Variants in PXDN observed in about 807,000 individuals in gnomAD.
The protein encoded by PXDN is peroxidasin, also known as peroxidasin homolog.
PXDN carries 77 observed loss-of-function variants against 140.3 expected under a neutral mutation model. That is an observed-to-expected ratio of 0.55 (90% CI 0.46 to 0.66). PXDN has a LOEUF of 0.66. Among genes scored for constraint, PXDN ranks in the 30% least tolerant of loss-of-function variants. The probability of loss-of-function intolerance (pLI) is 0.00; values close to 1 mark genes in which losing one functional copy is unlikely to be tolerated. For synonymous variants in PXDN, 911 were observed against 857.4 expected, an observed-to-expected ratio of 1.06 and a Z score of -1.09; for missense variants, 1,838 against 2,039.5, an observed-to-expected ratio of 0.90 and a Z score of 1.90.
At chr2:1,720,113 G>A (rs1176858857) in intron 1 of PXDN, among the ~76,000 whole-genome samples, 4 of 50,442 alleles carry the variant, frequency 7.9e-5, no homozygotes, top group Non-Finnish European at 1.5e-4. Context: ...GAGGGAGGGA[G>A]GGATGCAGAG....
chr2:1,714,961 G>A lies in PXDN; in HGVS notation c.201-21827C>T, dbSNP rs554603346. ...CTTTTGGGAGCATCAGGTTTTAGGCGACATATGAACACGCCACCCATTAAT... is the reference window on the plus strand; with the variant it reads ...CTTTTGGGAGCATCAGGTTTTAGGCAACATATGAACACGCCACCCATTAAT... On this transcript the variant is annotated intron_variant, in intron 1 of 22. Coordinates refer to ENST00000252804, the MANE Select transcript of PXDN (RefSeq NM_012293.3). The surrounding 1 kb of genome is among the most constrained non-coding windows in gnomAD (Gnocchi z 4.3). Among the ~76,000 whole-genome samples the A allele has an allele frequency of 2.0e-5, 3 of 152,030 alleles. No individual in the cohort carries two copies. The highest frequency in any genetic ancestry group is 7.2e-5 in the African/African-American group (3 of 41,480).
intron 17 of PXDN, among the ~76,000 whole-genome samples, chr2:1,647,302 C>T (rs112933766): frequency 4.5e-4 from 68 of 152,256 alleles, no homozygotes; most frequent in African/African-American, 1.4e-3. Flanking sequence ...AAAGGAGAGC[C>T]GCTGAATGTC....
chr2:1,720,294 A>G, intron 1 of PXDN, among the ~76,000 whole-genome samples: 1 of 124,794 alleles, frequency 8.0e-6, no homozygotes, highest in African/African-American at 3.1e-5. Flanking sequence ...AGAGAGAGAG[A>G]GGGAGGGAGG....
At chr2:1,683,596 T>C in intron 6 of PXDN, 60 bp downstream of exon 6, 4 of 1,287,044 alleles carry the variant, frequency 3.1e-6, no homozygotes, top group African/African-American at 1.5e-5. Context: ...ACCAGGTGAA[T>C]AGATAACAGA....
intron 8 of PXDN, among the ~76,000 whole-genome samples, chr2:1,674,485 T>C (rs1683649999): frequency 6.6e-6 from 1 of 152,196 alleles, no homozygotes; most frequent in Non-Finnish European, 1.5e-5. Flanking sequence ...GACCCCACCT[T>C]TGCATGGCTT....
intron 6 of PXDN, among the ~76,000 whole-genome samples, chr2:1,681,699 A>G (rs1015755273): frequency 2.0e-5 from 3 of 152,034 alleles, no homozygotes; most frequent in Non-Finnish European, 2.9e-5. Context: ...TCAGGTGAGG[A>G]GGCTGTGAGG....
At chr2:1,652,468 AATAACAAAATGG>A (rs1169173056) in intron 16 of PXDN, among the ~76,000 whole-genome samples, 1 of 136,684 alleles carries the variant, frequency 7.3e-6, no homozygotes, top group African/African-American at 2.5e-5. Flanking sequence ...TACTTGTTGA[AATAACAAAATGG>A]GCTCTGATGC....
chr2:1,652,717 C>T (rs1195546537), intron 16 of PXDN, among the ~76,000 whole-genome samples: 1 of 152,052 alleles, frequency 6.6e-6, no homozygotes, highest in Admixed American at 6.6e-5. Context: ...CCTAACAGGA[C>T]GGGGCTGGCT....
rs533281907 is a variant in PXDN at position 1,719,596 on chromosome 2, C to T, written c.200+24660G>A. ...CACAGTCCTCCAGTTTCAGCCCCCA[C>T]GGCCAGCTGTTAATCCCTGAACATT... On this transcript the variant is annotated intron_variant, in intron 1 of 22. Transcript: ENST00000252804. Among the ~76,000 whole-genome samples the T allele has an allele frequency of 2.4e-4, 36 of 152,334 alleles. No homozygotes were observed. In the East Asian group the frequency reaches 4.7e-3, roughly 20 times the overall value.
intron 8 of PXDN, among the ~76,000 whole-genome samples, chr2:1,675,943 C>T (rs558641971): frequency 6.6e-6 from 1 of 152,240 alleles, no homozygotes; most frequent in African/African-American, 2.4e-5. Flanking sequence ...GGAGCTCCTT[C>T]AGAAGCTGTC....
chr2:1,723,675 A>AATGG (rs543877016), intron 1 of PXDN, among the ~76,000 whole-genome samples: 93 of 151,938 alleles, frequency 6.1e-4, no homozygotes, highest in African/African-American at 1.5e-3. Flanking sequence ...TGAATGGATT[A>AATGG]ATGGATGGAT....
rs200009119 is a variant in PXDN, at chr2:1,653,740, C to G, written c.1992G>C (p.Pro664=). The G allele has an allele frequency of 2.8e-5, 45 of 1,594,354 alleles. No homozygotes were observed. The highest frequency in any genetic ancestry group is 1.7e-4 in the Middle Eastern group (1 of 6,044). The change falls in exon 16 of 23, where the codon CCG becomes CCC. Residue 664 remains proline, a synonymous_variant. Coordinates refer to ENST00000252804, the MANE Select transcript of PXDN (RefSeq NM_012293.3). The part of the protein sequence containing the change: ...PNDLLALFRY[P]RDPYTVEQAR... ...CCTGTTCAACTGTGTAAGGATCCCT[C>G]GGATACCGGAACAAGGCCAGCAAAT...
intron 1 of PXDN, among the ~76,000 whole-genome samples, chr2:1,729,539 C>T (rs1343412843): frequency 1.3e-5 from 2 of 151,670 alleles, no homozygotes; most frequent in African/African-American, 2.4e-5. Context: ...AGATCAAAAC[C>T]TCCCAGAATG....
At chr2:1,719,154 T>C (rs527981270) in intron 1 of PXDN, among the ~76,000 whole-genome samples, 9 of 152,180 alleles carry the variant, frequency 5.9e-5, no homozygotes, top group African/African-American at 2.2e-4. Context: ...CCCACCTGAG[T>C]TACTCGGAAG....
intron 9 of PXDN, among the ~76,000 whole-genome samples, chr2:1,668,804 T>A (rs1435622911): frequency 1.3e-5 from 2 of 152,198 alleles, no homozygotes; most frequent in African/African-American, 2.4e-5. Flanking sequence ...AAACAACAGA[T>A]GCTGGCGAGG....
chr2:1,652,839 T>C (rs1312203338), intron 16 of PXDN, among the ~76,000 whole-genome samples: 2 of 152,220 alleles, frequency 1.3e-5, no homozygotes, highest in African/African-American at 4.8e-5. Context: ...GTAAAAGTTA[T>C]GCTCAATGAA....
At chr2:1,729,040 G>T (rs920117345) in intron 1 of PXDN, among the ~76,000 whole-genome samples, 31 of 152,080 alleles carry the variant, frequency 2.0e-4, no homozygotes, top group African/African-American at 7.2e-4. Flanking sequence ...GGGGCCCGGT[G>T]TGACTATGGG....
At chr2:1,636,986 C>T (rs1463626029) in intron 21 of PXDN, 1 of 152,310 alleles carries the variant, frequency 6.6e-6, no homozygotes, top group East Asian at 1.9e-4. Flanking sequence ...CAAGGAACAT[C>T]CACATTTCTC....
chr2:1,729,887 T>C (rs559092203), intron 1 of PXDN, among the ~76,000 whole-genome samples: 1 of 152,320 alleles, frequency 6.6e-6, no homozygotes, highest in East Asian at 1.9e-4. Context: ...TTCAAACAAA[T>C]ACTGTGTGGT....
Sources: allele counts gnomAD v4.1 joint callset (sites outside exome capture counted in the v4.1 genomes callset), GRCh38; gene constraint gnomAD v4.1.1; non-coding constraint Gnocchi (gnomAD v3.1); transcripts MANE v1.5; gene names NCBI Gene and HGNC (gene_info 2026-07-23, HGNC 2026-07-21).